The following COL11A1 variants were observed in gnomAD, a reference collection of about 807,000 sequenced individuals.
COL11A1 encodes collagen alpha-1(XI) chain.
Under a neutral mutation model 265.2 loss-of-function variants are expected in COL11A1, and 74 were observed. The ratio of observed to expected loss-of-function variants is 0.28; its 90% CI spans 0.23 to 0.34. The LOEUF (loss-of-function observed/expected upper bound fraction) is 0.34, where lower values mean the gene tolerates loss of function less well. Ranked by LOEUF, COL11A1 falls within the 10% of genes least tolerant of loss-of-function variation. COL11A1 has a pLI of 1.00. For synonymous variants in COL11A1, 816 were observed against 727.6 expected (o/e 1.12, Z -1.96); for missense variants, 2,165 against 2,263.6 (o/e 0.96, Z 0.88).
chr1:103,046,301 C>T (rs868308014), intron 4 of COL11A1, among the ~76,000 whole-genome samples: 4,033 of 79,790 alleles, frequency 0.051, 151 homozygotes, highest in Non-Finnish European at 0.057. Context: ...GCCATTCTAA[C>T]TGGTGTGAGA....
At chr1:102,915,524 G>T in intron 50 of COL11A1, 107 bp downstream of exon 50, 1 of 941,900 alleles carries the variant, frequency 1.1e-6, no homozygotes, top group South Asian at 1.3e-5. Context: ...AGTTGGGAAG[G>T]GAAAGTAAAA....
intron 46 of COL11A1, among the ~76,000 whole-genome samples, chr1:102,933,972 G>A (rs1388875571): frequency 6.6e-6 from 1 of 152,156 alleles, no homozygotes; most frequent in African/African-American, 2.4e-5. Flanking sequence ...CGCACCCACT[G>A]ACCTGCGCCC....
At position 103,013,924 on chromosome 1, in the gene COL11A1, T is replaced by C. The variant is rs561240842; in HGVS notation, c.1572+587A>G. On this transcript the variant is annotated intron_variant, in intron 13 of 66. Coordinates refer to ENST00000370096, the MANE Select transcript of COL11A1 (RefSeq NM_001854.4). ...AACTAATTAAAAAACATAAATGTAA[T>C]TCTATATTTTATAAGTCTACAAGTA... Among the ~76,000 whole-genome samples, 3 of 152,152 alleles carry C rather than the reference T, an allele frequency of 2.0e-5. No homozygotes were observed. In the South Asian group the frequency reaches 6.2e-4, roughly 31 times the overall value.
At chr1:102,965,366 C>A in intron 38 of COL11A1, 121 bp downstream of exon 38, 2 of 1,023,310 alleles carry the variant, frequency 2.0e-6, no homozygotes, top group South Asian at 2.7e-5. Flanking sequence ...TAAATGCAAT[C>A]TGAAATAAAA....
intron 2 of COL11A1, among the ~76,000 whole-genome samples, chr1:103,080,177 A>G (rs1672292944): frequency 1.3e-5 from 2 of 151,970 alleles, no homozygotes; most frequent in Admixed American, 1.3e-4. Flanking sequence ...TACAAAAGAA[A>G]AAACAGCAAG....
At chr1:103,034,373 T>TA (rs1350276867) in intron 4 of COL11A1, among the ~76,000 whole-genome samples, 1 of 150,680 alleles carries the variant, frequency 6.6e-6, no homozygotes, top group African/African-American at 2.5e-5. Flanking sequence ...CAACTTTTTT[T>TA]AATGTATTTT....
At chr1:102,935,705 C>T (rs1570785898) in intron 44 of COL11A1, among the ~76,000 whole-genome samples, 1 of 152,220 alleles carries the variant, frequency 6.6e-6, no homozygotes, top group Non-Finnish European at 1.5e-5. Flanking sequence ...CATTTTCTTA[C>T]ATTAGTAACG....
At chr1:102,918,033 C>A (rs1410972687) in intron 49 of COL11A1, among the ~76,000 whole-genome samples, 1 of 151,356 alleles carries the variant, frequency 6.6e-6, no homozygotes, top group Non-Finnish European at 1.5e-5. Flanking sequence ...AATCACAAAT[C>A]AATAAATCAT....
chr1:102,969,904 A>C (rs1661792630), intron 37 of COL11A1, among the ~76,000 whole-genome samples: 1 of 152,142 alleles, frequency 6.6e-6, no homozygotes, highest in Non-Finnish European at 1.5e-5. Context: ...TCTTCAGTGA[A>C]AAGAGTGAGA....
intron 46 of COL11A1, among the ~76,000 whole-genome samples, chr1:102,933,418 A>G (rs942192729): frequency 1.2e-4 from 18 of 150,338 alleles, no homozygotes; most frequent in African/African-American, 4.4e-4. Flanking sequence ...GTCAGGGGTC[A>G]GGGACCCACT....
At chr1:102,905,592 T>C (rs1034160171) in intron 54 of COL11A1, among the ~76,000 whole-genome samples, 1 of 151,784 alleles carries the variant, frequency 6.6e-6, no homozygotes, top group Non-Finnish European at 1.5e-5. Flanking sequence ...GTTTAATAAC[T>C]TTATTATTTC....
At chr1:102,993,558 G>C (rs1022826759) in intron 28 of COL11A1, among the ~76,000 whole-genome samples, 2 of 151,096 alleles carry the variant, frequency 1.3e-5, no homozygotes, top group African/African-American at 4.9e-5. Context: ...AACTTTTTTT[G>C]ACAGGGTCTC....
intron 49 of COL11A1, among the ~76,000 whole-genome samples, chr1:102,919,070 G>C (rs1383599856): frequency 1.3e-5 from 2 of 152,016 alleles, no homozygotes; most frequent in Non-Finnish European, 2.9e-5. Context: ...GATATCCTCA[G>C]AGACAAGTGC....
intron 4 of COL11A1, among the ~76,000 whole-genome samples, chr1:103,060,746 G>C (rs528530155): frequency 1.3e-5 from 2 of 152,002 alleles, no homozygotes; most frequent in African/African-American, 4.8e-5. Context: ...TGGATTTATT[G>C]AACCCAGGAG....
At chr1:103,105,646 T>C (rs1473682011) in intron 1 of COL11A1, among the ~76,000 whole-genome samples, 1 of 152,172 alleles carries the variant, frequency 6.6e-6, no homozygotes, top group African/African-American at 2.4e-5. Context: ...ATCAATGTCA[T>C]AGTATGATGC....
intron 28 of COL11A1, 56 bp downstream of exon 28, chr1:102,995,808 T>C: frequency 7.1e-7 from 1 of 1,403,676 alleles, no homozygotes; most frequent in Non-Finnish European, 1.0e-6. Context: ...GTTGAATAAA[T>C]TTAAATGTTA....
intron 49 of COL11A1, among the ~76,000 whole-genome samples, chr1:102,919,362 A>AT (rs1425886130): frequency 1.3e-5 from 2 of 151,844 alleles, no homozygotes; most frequent in Non-Finnish European, 2.9e-5. Context: ...ATCTTATTAC[A>AT]TTTTTCTGAG....
chr1:102,956,603 T>C (rs939323981), intron 41 of COL11A1, among the ~76,000 whole-genome samples: 1 of 152,072 alleles, frequency 6.6e-6, no homozygotes, highest in African/African-American at 2.4e-5. Flanking sequence ...TAAAAATGCA[T>C]ACCAAGACCA....
At chr1:102,884,130 G>A (rs1005263257) in intron 63 of COL11A1, among the ~76,000 whole-genome samples, 1 of 152,136 alleles carries the variant, frequency 6.6e-6, no homozygotes, top group East Asian at 1.9e-4. Flanking sequence ...ACCCCAAAGT[G>A]AAAGCCGCTG....
Sources: gnomAD v4.1 joint callset for allele counts (sites outside exome capture counted in the v4.1 genomes callset) on GRCh38, gnomAD v4.1.1 for gene constraint, MANE v1.5 for transcripts, NCBI Gene and HGNC (gene_info 2026-07-23, HGNC 2026-07-21) for gene names.